DSC2: variants seen among roughly 807,000 people sequenced by gnomAD.
The protein encoded by DSC2 is desmocollin 2.
A neutral mutation model predicts 87.6 loss-of-function variants in DSC2; 51 were observed. That is an observed-to-expected ratio of 0.58 (90% CI 0.46 to 0.74). DSC2 has a LOEUF of 0.74. Among genes scored for constraint, DSC2 ranks in the 30% least tolerant of loss-of-function variants. The probability of loss-of-function intolerance (pLI) is 0.00; values close to 1 mark genes in which losing one functional copy is unlikely to be tolerated. For synonymous variants in DSC2, 383 were observed against 393.2 expected (o/e 0.97, Z 0.31); for missense variants, 1,066 against 1,089.5 (o/e 0.98, Z 0.30).
chr18:31,101,520 C>CGGCGCACTCCCGCCCA (rs1987952269), intron 1 of DSC2: 1 of 207,924 alleles, frequency 4.8e-6, no homozygotes, highest in Non-Finnish European at 9.2e-6. Context: ...TGGACGGCCC[C>CGGCGCACTCCCGCCCA]GGCGCACTCC....
intron 4 of DSC2, 115 bp from the exon 5 acceptor site, chr18:31,089,709 A>C (rs941576757): frequency 9.8e-6 from 9 of 916,852 alleles, no homozygotes; most frequent in African/African-American, 8.5e-5. Context: ...CCCTTAATTT[A>C]TTATTATATA....
chr18:31,089,174 A>AAC (rs1555639870), intron 5 of DSC2, among the ~76,000 whole-genome samples: 3 of 151,738 alleles, frequency 2.0e-5, no homozygotes, highest in Non-Finnish European at 4.4e-5. Flanking sequence ...CAAAAAAAAA[A>AAC]AAAAAAAAAC....
chr18:31,094,276 C>T (rs1987697528), intron 1 of DSC2, among the ~76,000 whole-genome samples: 1 of 152,094 alleles, frequency 6.6e-6, no homozygotes, highest in African/African-American at 2.4e-5. Flanking sequence ...AAAGTAAATG[C>T]TTTTAAAGAC....
chr18:31,095,032 A>G (rs1341088573), intron 1 of DSC2, among the ~76,000 whole-genome samples: 11 of 152,256 alleles, frequency 7.2e-5, no homozygotes. Flanking sequence ...CATGATAATA[A>G]GAAGCAAAAG....
At position 31,068,838 on chromosome 18, in the gene DSC2, T is replaced by G. The variant is rs1986717944; in HGVS notation, c.2508+56A>C. The stretch of plus-strand genomic sequence containing the variant: ...ATTATAGTCAGAATCCAGTTAGTTA[T>G]TTATAAAGTTTAAAGAAAATTAAAA... On this transcript the variant is annotated intron_variant, in intron 15 of 15. Coordinates refer to ENST00000280904, the MANE Select transcript of DSC2 (RefSeq NM_024422.6). 5 of 1,596,142 alleles carry G rather than the reference T, an allele frequency of 3.1e-6. No individual in the cohort carries two copies. The Admixed American group carries it at 6.7e-5, about 21-fold the overall frequency.
rs975217044 is a variant in DSC2, at chr18:31,065,022, A to C, written c.*2993T>G. ...AGATCTTGCTGCTTTTCATTTGCTG[A>C]AGAAGCACCAGCCATTTCTTCGGGA... On this transcript the variant is annotated 3_prime_UTR_variant, in exon 16 of 16. Transcript: ENST00000280904. 4 of 152,242 alleles carry C rather than the reference A, an allele frequency of 2.6e-5. No individual in the cohort carries two copies. The highest frequency in any genetic ancestry group is 5.9e-5 in the Non-Finnish European group (4 of 68,048). 9.4% of individuals were successfully genotyped at this position (152,242 alleles called of 1,614,324 possible). A position where few individuals can be genotyped will look rare whatever the true frequency, so the allele number is the denominator to read the frequency against.
intron 12 of DSC2, among the ~76,000 whole-genome samples, chr18:31,073,350 T>C (rs1426667098): frequency 6.9e-6 from 1 of 144,684 alleles, no homozygotes; most frequent in Non-Finnish European, 1.5e-5. Context: ...CAAAATAAAC[T>C]GATAACCCCG....
In DSC2 at chr18:31,102,081, C is replaced by T. The variant is rs1313458091; in HGVS notation, c.-110G>A. ...GTCTGGGCCCGCTGCTCAGGAGGAG[C>T]GCGAGGCGGAGGAGGTGGGGCGCGC... On this transcript the variant is annotated 5_prime_UTR_variant, in exon 1 of 16. Transcript: ENST00000280904. 5 of 980,934 alleles carry T rather than the reference C, an allele frequency of 5.1e-6. No homozygotes were observed. The highest frequency in any genetic ancestry group is 6.5e-5 in the East Asian group (2 of 30,708). 60.8% of individuals were successfully genotyped at this position (980,934 alleles called of 1,614,324 possible).
rs565333439 is a variant in DSC2, at chr18:31,066,059, A to G, written c.*1956T>C. ...CTCTCATGCTTCAAAACTATTTTTT[A>G]TTCAAGTGACTTACAATGGCCCTAG... On this transcript the variant is annotated 3_prime_UTR_variant, in exon 16 of 16. Transcript: ENST00000280904. 6.6e-6 allele frequency: 1 copy of G among 152,240 alleles called. No homozygotes were observed. The highest frequency in any genetic ancestry group is 2.1e-4 in the South Asian group (1 of 4,824). The allele number at this position is 152,240 out of a possible 1,614,324, so 9.4% of individuals were successfully genotyped here.
chr18:31,078,070 A>T (rs1987080239), intron 11 of DSC2, among the ~76,000 whole-genome samples: 1 of 152,166 alleles, frequency 6.6e-6, no homozygotes, highest in African/African-American at 2.4e-5. Flanking sequence ...AGAGGAAGCA[A>T]TTGCTGCGGA....
Position 31,059,121 on chromosome 18 carries a change from A to C in DSC2, c.*8894T>G, listed in dbSNP as rs1986452573. Reference sequence around the variant, plus strand: ...ACCCAAAGTTCAGGCTCTATCCCAGACCGCTCTGTTAGGTTGCATGGAGAA... The same window carrying C: ...ACCCAAAGTTCAGGCTCTATCCCAGCCCGCTCTGTTAGGTTGCATGGAGAA... On this transcript the variant is annotated 3_prime_UTR_variant, in exon 16 of 16. Transcript: ENST00000280904. 6.6e-6 allele frequency: 1 copy of C among 152,164 alleles called. No individual in the cohort carries two copies. The highest frequency in any genetic ancestry group is 1.5e-5 in the Non-Finnish European group (1 of 68,030). 9.4% of individuals were successfully genotyped at this position (152,164 alleles called of 1,614,324 possible). A position where few individuals can be genotyped will look rare whatever the true frequency, so the allele number is the denominator to read the frequency against.
chr18:31,067,986 C>G lies in DSC2; in HGVS notation c.*29G>C. ...ATTTTTTTTAAAAGTCATAAAGCCACTGGCTTTCAGAGACTTATTAGAACA... is the reference window on the plus strand; with the variant it reads ...ATTTTTTTTAAAAGTCATAAAGCCAGTGGCTTTCAGAGACTTATTAGAACA... On this transcript the variant is annotated 3_prime_UTR_variant, in exon 16 of 16. Coordinates refer to ENST00000280904, the MANE Select transcript of DSC2 (RefSeq NM_024422.6). The G allele has an allele frequency of 6.2e-7, 1 of 1,607,352 alleles. No individual in the cohort carries two copies. Among genetic ancestry groups the G allele is most frequent in the Non-Finnish European group, 8.5e-7 (1 of 1,174,372 alleles).
rs1986540071 is a variant in DSC2 at position 31,063,443 on chromosome 18, G to A, written c.*4572C>T. The A allele has an allele frequency of 6.6e-6, 1 of 152,086 alleles. No individual in the cohort carries two copies. The highest frequency in any genetic ancestry group is 2.1e-4 in the South Asian group (1 of 4,812). The allele number at this position is 152,086 out of a possible 1,614,324, so 9.4% of individuals were successfully genotyped here. ...AGAAAAGAAACACACACACAAACCTGTAGATGAAAACTTTACAGCCATGTG... is the reference window on the plus strand; with the variant it reads ...AGAAAAGAAACACACACACAAACCTATAGATGAAAACTTTACAGCCATGTG... On this transcript the variant is annotated 3_prime_UTR_variant, in exon 16 of 16. Transcript: ENST00000280904.
chr18:31,068,516 C>G (rs570099592), intron 15 of DSC2, among the ~76,000 whole-genome samples: 3 of 152,248 alleles, frequency 2.0e-5, no homozygotes, highest in African/African-American at 7.2e-5. Context: ...ATCCATTAAA[C>G]TGAAGACAAA....
chr18:31,101,603 G>A (rs1987958838), intron 1 of DSC2: 1 of 376,144 alleles, frequency 2.7e-6, no homozygotes, highest in Non-Finnish European at 4.7e-6. Context: ...CTGCTCCCCG[G>A]CGCGTACCCA....
intron 9 of DSC2, among the ~76,000 whole-genome samples, chr18:31,081,819 G>A (rs1987227606): frequency 6.6e-5 from 10 of 152,110 alleles, no homozygotes; most frequent in Admixed American, 6.6e-4. Flanking sequence ...AATATATACT[G>A]AATATGATGA....
chr18:31,101,945 G>A lies in DSC2; in HGVS notation c.27C>T (p.Ser9=), dbSNP rs1406804472. 2.6e-6 allele frequency: 4 copies of A among 1,528,158 alleles called. No homozygotes were observed. In the African/African-American group the frequency reaches 5.6e-5, roughly 21 times the overall value. The allele number at this position is 1,528,158 out of a possible 1,614,324, so 94.7% of individuals were successfully genotyped here. A position where few individuals can be genotyped will look rare whatever the true frequency, so the allele number is the denominator to read the frequency against. The stretch of plus-strand genomic sequence containing the variant: ...GCAGCCGGCAGAGGGCTCCGTTCCA[G>A]GAGCCGGAGGGGCGGGCTGCCTCCA... MEAARPSG[S]WNGALCRLLL... The change falls in exon 1 of 16, where the codon TCC becomes TCT. Residue 9 remains serine (S), a synonymous_variant. Coordinates refer to ENST00000280904, the MANE Select transcript of DSC2 (RefSeq NM_024422.6).
rs752663727 is a variant in DSC2 at position 31,082,956 on chromosome 18, A to G, written c.1047T>C (p.Asn349=). ...TACGAGTAAATGTTGGCAAGTGGTC[A>G]TTTACATCATCAATGTTAATGATAC... ...STCIINIDDV[N]DHLPTFTRTS... Residue 349 remains asparagine, a synonymous_variant, in exon 8 of 16, where the codon AAT becomes AAC. Transcript: ENST00000280904. The G allele has an allele frequency of 1.2e-6, 2 of 1,613,486 alleles. No individual in the cohort carries two copies. The highest frequency in any genetic ancestry group is 2.7e-5 in the African/African-American group (2 of 74,918).
intron 12 of DSC2, among the ~76,000 whole-genome samples, chr18:31,073,550 T>G (rs1476278600): frequency 3.3e-5 from 5 of 152,198 alleles, no homozygotes; most frequent in Non-Finnish European, 7.3e-5. Context: ...CCTCATAACC[T>G]TTCTTTTCTA....
Sources: allele counts gnomAD v4.1 joint callset (sites outside exome capture counted in the v4.1 genomes callset), GRCh38; gene constraint gnomAD v4.1.1; transcripts MANE v1.5; gene names NCBI Gene and HGNC (gene_info 2026-07-23, HGNC 2026-07-21).